TENM3: variants seen among roughly 807,000 people sequenced by gnomAD.
The protein encoded by TENM3 is teneurin-3.
TENM3 carries 63 observed loss-of-function variants against 255.1 expected under a neutral mutation model. The ratio of observed to expected loss-of-function variants is 0.25; its 90% CI spans 0.20 to 0.30. TENM3 has a LOEUF of 0.30. Ranked by LOEUF, TENM3 falls within the 10% of genes least tolerant of loss-of-function variation. TENM3 has a pLI of 1.00. For missense variants in TENM3, 2,929 were observed against 3,461.1 expected (o/e 0.85, Z 3.86); for synonymous variants, 1,306 against 1,322.3 (o/e 0.99, Z 0.27).
intron 1 of TENM3, among the ~76,000 whole-genome samples, chr4:182,216,466 C>G (rs1471105396): frequency 6.6e-6 from 1 of 152,142 alleles, no homozygotes; most frequent in African/African-American, 2.4e-5. Flanking sequence ...GTGGCCACTC[C>G]TGAAAAGCAG....
rs143753864 is a variant in TENM3, at chr4:182,694,102, T to A, written c.2221+5751T>A. On this transcript the variant is annotated intron_variant, in intron 12 of 27. Transcript: ENST00000511685. Reference sequence around the variant, plus strand: ...TTTGAGGGTTGGTTTTATTTTTTTTTAATTTTCATTTATTTTTTTATTTTT... The same window carrying A: ...TTTGAGGGTTGGTTTTATTTTTTTTAAATTTTCATTTATTTTTTTATTTTT... 2.3e-3 allele frequency among the ~76,000 whole-genome samples: 353 copies of A among 152,218 alleles called. 1 individual carries two copies. Among genetic ancestry groups the A allele is most frequent in the African/African-American group, 7.6e-3 (315 of 41,550 alleles).
the TENM3 span, among the ~76,000 whole-genome samples, chr4:181,620,809 T>A: frequency 1.3e-5 from 2 of 152,210 alleles, no homozygotes; most frequent in Non-Finnish European, 2.9e-5. Context: ...CTGGGACATG[T>A]GATTTCTGTA....
chr4:181,777,782 C>G, the TENM3 span, among the ~76,000 whole-genome samples: 1 of 151,804 alleles, frequency 6.6e-6, no homozygotes, highest in Non-Finnish European at 1.5e-5. Context: ...TATGTGAAAC[C>G]CTCCTTCTTC....
At chr4:182,501,364 G>A (rs1311385648) in intron 3 of TENM3, among the ~76,000 whole-genome samples, 1 of 78,526 alleles carries the variant, frequency 1.3e-5, no homozygotes, top group Non-Finnish European at 3.5e-5. Context: ...TTAAAGCTAT[G>A]TCTAAAAGTG....
intron 6 of TENM3, among the ~76,000 whole-genome samples, chr4:182,665,586 G>A (rs1269141590): frequency 2.6e-5 from 4 of 151,994 alleles, no homozygotes. Context: ...TGATAGATCT[G>A]GGCAAAATCA....
intron 13 of TENM3, among the ~76,000 whole-genome samples, chr4:182,718,791 C>A (rs993383384): frequency 2.0e-5 from 3 of 152,148 alleles, no homozygotes; most frequent in African/African-American, 7.2e-5. Flanking sequence ...TTAAAAGCAT[C>A]ATTGCTTTTA....
the TENM3 span, among the ~76,000 whole-genome samples, chr4:181,719,198 G>A: frequency 7.0e-6 from 1 of 143,276 alleles, no homozygotes; most frequent in Non-Finnish European, 1.6e-5. Context: ...GGGCGACAGA[G>A]CGAGACTCCG....
chr4:181,720,689 G>A, the TENM3 span, among the ~76,000 whole-genome samples: 1 of 151,938 alleles, frequency 6.6e-6, no homozygotes, highest in Non-Finnish European at 1.5e-5. Flanking sequence ...ATTCTCAGTG[G>A]GAGGAAGTCT....
intron 3 of TENM3, among the ~76,000 whole-genome samples, chr4:182,441,572 A>G (rs909600428): frequency 6.6e-6 from 1 of 152,122 alleles, no homozygotes. Context: ...ATCTCCGCTC[A>G]CCACAACCTC....
chr4:182,775,826 A>G (rs141873851), intron 24 of TENM3, among the ~76,000 whole-genome samples: 27 of 152,310 alleles, frequency 1.8e-4, no homozygotes, highest in African/African-American at 5.8e-4. Context: ...ACTTTTTGCT[A>G]ATAGTAAACC....
the TENM3 span, among the ~76,000 whole-genome samples, chr4:181,560,962 T>A: frequency 1.3e-5 from 2 of 152,172 alleles, no homozygotes; most frequent in African/African-American, 4.8e-5. Context: ...CCTTAATTTT[T>A]ATTTTTTTTC....
chr4:181,628,261 T>A, the TENM3 span, among the ~76,000 whole-genome samples: 3 of 152,060 alleles, frequency 2.0e-5, no homozygotes, highest in Non-Finnish European at 4.4e-5. Context: ...AGATCGCAAA[T>A]ATTTTCTCCC....
the TENM3 span, among the ~76,000 whole-genome samples, chr4:181,890,364 C>G: frequency 1.3e-5 from 2 of 151,894 alleles, no homozygotes; most frequent in African/African-American, 4.8e-5. Flanking sequence ...TCAGGACACA[C>G]TTAATTTAAA....
intron 3 of TENM3, among the ~76,000 whole-genome samples, chr4:182,364,740 G>A (rs1766305582): frequency 6.6e-6 from 1 of 152,122 alleles, no homozygotes; most frequent in African/African-American, 2.4e-5. Context: ...TTTCACCTAA[G>A]TTTCCACATG....
chr4:182,450,587 T>C (rs1773374696), intron 3 of TENM3, among the ~76,000 whole-genome samples: 1 of 152,196 alleles, frequency 6.6e-6, no homozygotes, highest in South Asian at 2.1e-4. Context: ...ATGTTTAATT[T>C]AAAGAGGTGG....
At chr4:182,595,161 T>C (rs1747079772) in intron 3 of TENM3, among the ~76,000 whole-genome samples, 1 of 152,164 alleles carries the variant, frequency 6.6e-6, no homozygotes, top group Non-Finnish European at 1.5e-5. Flanking sequence ...TATGCCATAT[T>C]CATTGTCATG....
intron 1 of TENM3, among the ~76,000 whole-genome samples, chr4:182,284,255 T>A (rs1247873513): frequency 6.6e-6 from 1 of 152,202 alleles, no homozygotes; most frequent in Non-Finnish European, 1.5e-5. Flanking sequence ...AGACTCCCAG[T>A]TTCCTTTCTA....
At chr4:181,656,558 G>A in the TENM3 span, among the ~76,000 whole-genome samples, 1 of 152,116 alleles carries the variant, frequency 6.6e-6, no homozygotes, top group African/African-American at 2.4e-5. Flanking sequence ...GAGAGCAGCG[G>A]GGAGGGTCTG....
Position 182,789,459 on chromosome 4 carries a change from C to G in TENM3, c.5601+70C>G, listed in dbSNP as rs1765934895. On this transcript the variant is annotated intron_variant, in intron 25 of 27. Transcript: ENST00000511685. This position sits in a 1 kb window ranked among gnomAD's most constrained non-coding sequence, Gnocchi z 4.4. ...CATTTTTCAGCAATCATCCAGAGCACTAAGGGGAAAAAAAACAGTGGCACA... is the reference window on the plus strand; with the variant it reads ...CATTTTTCAGCAATCATCCAGAGCAGTAAGGGGAAAAAAAACAGTGGCACA... The G allele has an allele frequency of 1.4e-6, 2 of 1,421,474 alleles. No homozygotes were observed. The highest frequency in any genetic ancestry group is 4.8e-5 in the East Asian group (2 of 41,512). 88.1% of individuals were successfully genotyped at this position (1,421,474 alleles called of 1,614,324 possible).
Sources: gnomAD v4.1 joint callset for allele counts (sites outside exome capture counted in the v4.1 genomes callset) on GRCh38, gnomAD v4.1.1 for gene constraint, Gnocchi (gnomAD v3.1) non-coding constraint, MANE v1.5 for transcripts, NCBI Gene and HGNC (gene_info 2026-07-23, HGNC 2026-07-21) for gene names.